The following SORBS2 variants were observed in gnomAD, a reference collection of about 807,000 sequenced individuals.
SORBS2 encodes sorbin and SH3 domain containing 2.
Under a neutral mutation model 97.7 loss-of-function variants are expected in SORBS2, and 46 were observed. The observed-to-expected ratio is 0.47, with a 90% confidence interval of 0.37 to 0.60. The LOEUF (loss-of-function observed/expected upper bound fraction) is 0.60. Ranked by LOEUF, SORBS2 falls within the 20% of genes least tolerant of loss-of-function variation. The pLI is 0.00. For synonymous variants in SORBS2, 476 were observed against 473.4 expected, an observed-to-expected ratio of 1.01 and a Z score of -0.07; for missense variants, 1,316 against 1,282.3, an observed-to-expected ratio of 1.03 and a Z score of -0.40.
intron 1 of SORBS2, among the ~76,000 whole-genome samples, chr4:185,818,365 AT>A (rs1389666490): frequency 6.6e-6 from 1 of 151,808 alleles, no homozygotes; most frequent in Non-Finnish European, 1.5e-5. Context: ...AATTTTTTGT[AT>A]TTTTAGTAGA....
intron 3 of SORBS2, among the ~76,000 whole-genome samples, chr4:185,647,724 T>G (rs900759416): frequency 2.6e-5 from 4 of 152,220 alleles, no homozygotes; most frequent in African/African-American, 9.6e-5. Flanking sequence ...CAAGACCCCT[T>G]AAACTTTCTC....
intron 1 of SORBS2, among the ~76,000 whole-genome samples, chr4:185,878,771 C>T (rs2099235079): frequency 6.6e-6 from 1 of 152,222 alleles, no homozygotes; most frequent in African/African-American, 2.4e-5. Flanking sequence ...CCGATTGCTG[C>T]TGCCTGCAGT....
chr4:185,901,843 A>G (rs1223525915), intron 1 of SORBS2, among the ~76,000 whole-genome samples: 1 of 152,262 alleles, frequency 6.6e-6, no homozygotes, highest in Non-Finnish European at 1.5e-5. Flanking sequence ...TATTAAAGCT[A>G]AAGTTAAGTT....
At chr4:185,801,311 T>C (rs773797386) in intron 1 of SORBS2, among the ~76,000 whole-genome samples, 1 of 152,228 alleles carries the variant, frequency 6.6e-6, no homozygotes, top group Non-Finnish European at 1.5e-5. Context: ...TCCATATTTA[T>C]TCCTTTCCTT....
chr4:185,723,057 A>G (rs1229491620), intron 2 of SORBS2, among the ~76,000 whole-genome samples: 1 of 152,188 alleles, frequency 6.6e-6, no homozygotes, highest in African/African-American at 2.4e-5. Flanking sequence ...GGCCTAGCAC[A>G]GTGCCTGCAC....
chr4:185,598,034 G>A (rs75255911), intron 12 of SORBS2, among the ~76,000 whole-genome samples: 4,853 of 152,134 alleles, frequency 0.032, 270 homozygotes, highest in African/African-American at 0.11. Context: ...ATCTGTGCAG[G>A]CATTTCCATT....
chr4:185,683,564 T>C (rs1275288991), intron 2 of SORBS2, among the ~76,000 whole-genome samples: 2 of 152,242 alleles, frequency 1.3e-5, no homozygotes, highest in Non-Finnish European at 1.5e-5. Flanking sequence ...TTTATGTTCA[T>C]ACGTGCATGA....
intron 1 of SORBS2, among the ~76,000 whole-genome samples, chr4:185,778,389 T>G (rs760674577): frequency 6.6e-6 from 1 of 152,220 alleles, no homozygotes; most frequent in Non-Finnish European, 1.5e-5. Context: ...TGGGCCTTGC[T>G]TCTTAAAAAA....
chr4:185,699,535 C>T (rs1212504867), intron 2 of SORBS2, among the ~76,000 whole-genome samples: 2 of 152,116 alleles, frequency 1.3e-5, no homozygotes, highest in East Asian at 3.8e-4. Flanking sequence ...AATCTGCCCG[C>T]CTTGGTCTCC....
At chr4:185,715,942 T>C (rs1177179731) in intron 2 of SORBS2, among the ~76,000 whole-genome samples, 1 of 152,242 alleles carries the variant, frequency 6.6e-6, no homozygotes, top group African/African-American at 2.4e-5. Context: ...TGTCCTACAA[T>C]GTGACTGCTG....
At position 185,587,599 on chromosome 4, in the gene SORBS2, C is replaced by A. The variant is rs746277485; in HGVS notation, c.*28G>T. On this transcript the variant is annotated 3_prime_UTR_variant, in exon 15 of 15. Transcript: ENST00000418609. The stretch of plus-strand genomic sequence containing the variant: ...TTGACGCAGGTGCATGGCTGGCAGG[C>A]GGCCTCTACAGAAGGAGGGAGCGCA... The A allele has an allele frequency of 8.7e-6, 14 of 1,606,318 alleles. No individual in the cohort carries two copies. In the South Asian group the frequency reaches 9.9e-5, roughly 11 times the overall value.
intron 4 of SORBS2, among the ~76,000 whole-genome samples, chr4:185,674,603 A>C (rs1300762638): frequency 2.0e-5 from 3 of 152,176 alleles, no homozygotes; most frequent in African/African-American, 7.2e-5. Context: ...TATTGAGAGT[A>C]AATGTCAAAA....
intron 1 of SORBS2, among the ~76,000 whole-genome samples, chr4:185,868,147 C>CTTTCTTTCTTT (rs1288748201): frequency 0.094 from 8,225 of 87,042 alleles, 1,045 homozygotes; most frequent in East Asian, 0.22. Flanking sequence ...CTTTTCTTTT[C>CTTTCTTTCTTT]TTTTTTTCTT....
At chr4:185,757,445 T>A (rs1373393122) in intron 2 of SORBS2, 1 of 152,508 alleles carries the variant, frequency 6.6e-6, no homozygotes, top group Non-Finnish European at 1.5e-5. Flanking sequence ...TTTCTAACTT[T>A]TAGAGATTTC....
At chr4:185,917,316 T>G (rs2099258715) in intron 1 of SORBS2, among the ~76,000 whole-genome samples, 1 of 152,204 alleles carries the variant, frequency 6.6e-6, no homozygotes, top group South Asian at 2.1e-4. Context: ...AACCTCCGCC[T>G]CCCGGGCTCA....
chr4:185,692,895 G>C (rs1038791812), intron 2 of SORBS2, among the ~76,000 whole-genome samples: 22 of 152,074 alleles, frequency 1.4e-4, no homozygotes, highest in Non-Finnish European at 7.3e-5. Flanking sequence ...TTTAAAATAG[G>C]TAAAATCACA....
At chr4:185,714,617 G>C (rs2098450213) in intron 2 of SORBS2, among the ~76,000 whole-genome samples, 1 of 152,106 alleles carries the variant, frequency 6.6e-6, no homozygotes, top group African/African-American at 2.4e-5. Context: ...AGGTTTAATG[G>C]ACTCACAGCT....
chr4:185,875,390 A>G (rs1199940270), intron 1 of SORBS2, among the ~76,000 whole-genome samples: 3 of 152,190 alleles, frequency 2.0e-5, no homozygotes, highest in Non-Finnish European at 4.4e-5. Context: ...TATCAACTAA[A>G]AAAATTAATT....
intron 12 of SORBS2, among the ~76,000 whole-genome samples, chr4:185,603,902 C>T (rs181753168): frequency 1.3e-5 from 2 of 152,276 alleles, no homozygotes; most frequent in Admixed American, 6.5e-5. Context: ...CATGAATTTA[C>T]GTCACTTTTG....
Sources: gnomAD v4.1 joint callset for allele counts (sites outside exome capture counted in the v4.1 genomes callset) on GRCh38, gnomAD v4.1.1 for gene constraint, MANE v1.5 for transcripts, NCBI Gene and HGNC (gene_info 2026-07-23, HGNC 2026-07-21) for gene names.